Variants in H2BC12 observed in about 807,000 individuals in gnomAD.
H2BC12 encodes the protein histone H2B type 1-K.
A neutral mutation model predicts 6.3 loss-of-function variants in H2BC12; 6 were observed. The observed-to-expected ratio is 0.95, with a 90% CI of 0.52 to 1.87. The LOEUF (loss-of-function observed/expected upper bound fraction) is 1.87. Among genes scored for constraint, H2BC12 ranks in the 40% most tolerant of loss-of-function variants. The probability of loss-of-function intolerance (pLI) is 0.01; values close to 1 mark genes in which losing one functional copy is unlikely to be tolerated. For synonymous variants in H2BC12, 132 were observed against 78.5 expected (o/e 1.68, Z -3.60); for missense variants, 119 against 178.4 (o/e 0.67, Z 1.90).
chr6:27,139,272 C>G, the H2BC12 span: 171 of 1,544,352 alleles, frequency 1.1e-4, no homozygotes, highest in East Asian at 2.0e-3. Context: ...AAGCTGCCAT[C>G]ACAGGCAGCA....
At chr6:27,139,687 A>G in the H2BC12 span, 1 of 1,523,836 alleles carries the variant, frequency 6.6e-7, no homozygotes, top group Non-Finnish European at 8.8e-7. Context: ...TTTCAACAAA[A>G]GAGTTGAAAT....
At chr6:27,144,637 A>T (rs556414900), downstream of H2BC12, among the ~76,000 whole-genome samples, 1 of 150,900 alleles carries the variant, frequency 6.6e-6, no homozygotes, top group African/African-American at 2.4e-5. Context: ...AAAGGACTGA[A>T]AGTAAATTGT....
the H2BC12 span, chr6:27,139,316 G>A: frequency 1.5e-5 from 24 of 1,607,656 alleles, no homozygotes; most frequent in Admixed American, 3.4e-5. Flanking sequence ...ATAATGTCAG[G>A]ACGCGGCAAA....
downstream of H2BC12, among the ~76,000 whole-genome samples, chr6:27,146,038 G>T (rs550791455): frequency 1.3e-5 from 2 of 152,146 alleles, no homozygotes; most frequent in Non-Finnish European, 2.9e-5. Context: ...TTACATGGTG[G>T]AAAGTACACG....
chr6:27,145,645 GC>G (rs1760064661), downstream of H2BC12, among the ~76,000 whole-genome samples: 1 of 152,116 alleles, frequency 6.6e-6, no homozygotes, highest in South Asian at 2.1e-4. Context: ...GAATCTACTT[GC>G]TTTTCATTTT....
chr6:27,141,339 C>T, the H2BC12 span, among the ~76,000 whole-genome samples: 2 of 151,934 alleles, frequency 1.3e-5, no homozygotes, highest in African/African-American at 4.8e-5. Flanking sequence ...TCTCGTATCT[C>T]ATATTCTTGT....
the H2BC12 span, chr6:27,139,715 C>CTTAA: frequency 6.8e-7 from 1 of 1,471,198 alleles, no homozygotes; most frequent in East Asian, 2.3e-5. Flanking sequence ...AACTGAGTCT[C>CTTAA]TTAATAGGGC....
the H2BC12 span, chr6:27,139,633 A>G: frequency 2.5e-6 from 4 of 1,597,812 alleles, no homozygotes; most frequent in Non-Finnish European, 3.4e-6. Flanking sequence ...GGCATTTTGA[A>G]GCCCAGTCAT....
chr6:27,144,335 A>G (rs1242238424), downstream of H2BC12, among the ~76,000 whole-genome samples: 2 of 151,686 alleles, frequency 1.3e-5, no homozygotes, highest in Non-Finnish European at 2.9e-5. Flanking sequence ...GGTGGCAGGC[A>G]CTTGTAATAC....
downstream of H2BC12, among the ~76,000 whole-genome samples, chr6:27,145,579 C>T (rs1354863422): frequency 1.3e-5 from 2 of 152,230 alleles, no homozygotes; most frequent in Admixed American, 1.3e-4. Flanking sequence ...TTCTCCTCTA[C>T]TCCAACTTCT....
downstream of H2BC12, among the ~76,000 whole-genome samples, chr6:27,146,177 T>C (rs551511585): frequency 6.6e-6 from 1 of 152,312 alleles, no homozygotes; most frequent in South Asian, 2.1e-4. Flanking sequence ...ATCCCTAATT[T>C]TTTAGGCGCC....
downstream of H2BC12, among the ~76,000 whole-genome samples, chr6:27,145,540 T>C (rs1760063296): frequency 6.6e-6 from 1 of 152,140 alleles, no homozygotes; most frequent in South Asian, 2.1e-4. Flanking sequence ...AACACTTAGC[T>C]CAAACCCTGT....
At chr6:27,139,688 G>C in the H2BC12 span, 4 of 1,519,198 alleles carry the variant, frequency 2.6e-6, no homozygotes, top group Admixed American at 2.3e-5. Flanking sequence ...TTCAACAAAA[G>C]AGTTGAAATG....
At chr6:27,145,556 T>G (rs1386697347), downstream of H2BC12, among the ~76,000 whole-genome samples, 2 of 152,222 alleles carry the variant, frequency 1.3e-5, no homozygotes, top group Admixed American at 1.3e-4. Flanking sequence ...CCTGTGCTGC[T>G]GGGGAAGTTC....
downstream of H2BC12, among the ~76,000 whole-genome samples, chr6:27,144,467 G>T (rs866542540): frequency 3.3e-5 from 4 of 121,808 alleles, no homozygotes; most frequent in Admixed American, 7.9e-5. Context: ...GTCTGGGGGG[G>T]GGGGGGGGGG....
downstream of H2BC12, among the ~76,000 whole-genome samples, chr6:27,142,575 A>G (rs561181398): frequency 8.2e-5 from 12 of 147,114 alleles, no homozygotes; most frequent in African/African-American, 3.0e-4. Flanking sequence ...ATTTTTTTTA[A>G]CTTTTAAAAA....
At chr6:27,139,367 G>C in the H2BC12 span, 1 of 1,614,164 alleles carries the variant, frequency 6.2e-7, no homozygotes, top group South Asian at 1.1e-5. Flanking sequence ...AAGCGCCACC[G>C]CAAGGTGCTG....
chr6:27,144,645 T>A (rs1391194313), downstream of H2BC12, among the ~76,000 whole-genome samples: 1 of 148,892 alleles, frequency 6.7e-6, no homozygotes, highest in Non-Finnish European at 1.5e-5. Flanking sequence ...GAAAGTAAAT[T>A]GTATAAAATC....
chr6:27,146,308 C>G (rs546554001), downstream of H2BC12: 2 of 1,544,772 alleles, frequency 1.3e-6, no homozygotes, highest in Middle Eastern at 1.7e-4. Flanking sequence ...AAAGATCGCC[C>G]GAATTTAAGC....
Sources: allele counts gnomAD v4.1 joint callset (sites outside exome capture counted in the v4.1 genomes callset), GRCh38; gene constraint gnomAD v4.1.1; transcripts MANE v1.5; gene names NCBI Gene and HGNC (gene_info 2026-07-23, HGNC 2026-07-21).